The following TMEM132C variants were observed in gnomAD, a reference collection of about 807,000 sequenced individuals.
TMEM132C encodes the protein protein phosphatase 1, regulatory subunit 152.
A neutral mutation model predicts 61.4 loss-of-function variants in TMEM132C; 29 were observed. The observed-to-expected ratio is 0.47, with a 90% confidence interval of 0.35 to 0.64. The LOEUF is 0.64. TMEM132C is among the 30% of genes least tolerant of loss of function. The pLI, the probability that TMEM132C is intolerant of heterozygous loss-of-function variation, is 0.00. For synonymous variants in TMEM132C, 656 were observed against 633.1 expected, an observed-to-expected ratio of 1.04 and a Z score of -0.54; for missense variants, 1,408 against 1,476.9, an observed-to-expected ratio of 0.95 and a Z score of 0.76.
At chr12:128,536,080 A>C (rs1425858697) in intron 2 of TMEM132C, among the ~76,000 whole-genome samples, 2 of 152,178 alleles carry the variant, frequency 1.3e-5, no homozygotes, top group Non-Finnish European at 2.9e-5. Context: ...TACTATAAAG[A>C]CACATGCATA....
At chr12:128,393,058 C>T (rs868315184) in intron 1 of TMEM132C, among the ~76,000 whole-genome samples, 2 of 152,194 alleles carry the variant, frequency 1.3e-5, no homozygotes, top group African/African-American at 4.8e-5. Context: ...ATTTTTCTTG[C>T]AGAACAAAAA....
rs75263201 is a variant in TMEM132C at position 128,361,610 on chromosome 12, G to A, written c.86-53122G>A. Among the ~76,000 whole-genome samples the A allele has an allele frequency of 7.9e-3, 1,207 of 152,130 alleles. 8 individuals are homozygous for A. The highest frequency in any genetic ancestry group is 0.01 in the Non-Finnish European group (689 of 68,016). The stretch of plus-strand genomic sequence containing the variant: ...GCAACATCTTGAACTGTTTTCAAGC[G>A]TTTGAGGCTCTACGAAAACTGAAAC... On this transcript the variant is annotated intron_variant, in intron 1 of 8. Transcript: ENST00000435159.
intron 2 of TMEM132C, among the ~76,000 whole-genome samples, chr12:128,417,490 G>A (rs908323140): frequency 1.3e-5 from 2 of 152,128 alleles, no homozygotes; most frequent in African/African-American, 4.8e-5. Context: ...AGATAGGCAT[G>A]GTGGTGGTGA....
chr12:128,608,252 A>C (rs1323859647), intron 3 of TMEM132C, among the ~76,000 whole-genome samples: 2 of 152,198 alleles, frequency 1.3e-5, no homozygotes, highest in Non-Finnish European at 2.9e-5. Flanking sequence ...CCTTGCAACA[A>C]ACAGCCTCAC....
intron 1 of TMEM132C, among the ~76,000 whole-genome samples, chr12:128,300,859 G>T (rs1003261966): frequency 3.3e-5 from 5 of 152,082 alleles, no homozygotes; most frequent in Middle Eastern, 3.2e-3. Flanking sequence ...GCAACATAGG[G>T]GGACCCCACC....
At position 128,705,410 on chromosome 12, in the gene TMEM132C, A is replaced by G. The variant is rs1206037496; in HGVS notation, c.2442A>G (p.Glu814=). Residue 814 remains glutamate, a synonymous_variant, in exon 9 of 9, where the codon GAA becomes GAG. Coordinates refer to ENST00000435159, the MANE Select transcript of TMEM132C (RefSeq NM_001136103.3). ...CCAGCCCCGGCGGGGACTATGAGGA[A>G]GATGAGATCAAGAACCACGCCAGCG... ...ADSSPGGDYE[E]DEIKNHASDR... 6 of 1,551,108 alleles carry G rather than the reference A, an allele frequency of 3.9e-6. No individual in the cohort carries two copies. Among genetic ancestry groups the G allele is most frequent in the Non-Finnish European group, 4.4e-6 (5 of 1,146,976 alleles).
chr12:128,578,897 C>T (rs913825458), intron 3 of TMEM132C, among the ~76,000 whole-genome samples: 6 of 149,722 alleles, frequency 4.0e-5, no homozygotes, highest in East Asian at 4.0e-4. Flanking sequence ...CATGCCCAGC[C>T]GAAAGTTTTT....
At chr12:128,438,938 T>A (rs1869688644) in intron 2 of TMEM132C, 1 of 152,198 alleles carries the variant, frequency 6.6e-6, no homozygotes, top group Non-Finnish European at 1.5e-5. Flanking sequence ...TTCCCCCCAG[T>A]TCTCCTGGGT....
chr12:128,652,743 AG>A (rs1954284934), intron 4 of TMEM132C, among the ~76,000 whole-genome samples: 1 of 152,244 alleles, frequency 6.6e-6, no homozygotes. Flanking sequence ...ATAATGGCAG[AG>A]GAGTGGATTT....
At chr12:128,582,703 T>C (rs1875391874) in intron 3 of TMEM132C, among the ~76,000 whole-genome samples, 1 of 152,168 alleles carries the variant, frequency 6.6e-6, no homozygotes, top group South Asian at 2.1e-4. Context: ...TTGACTCCCA[T>C]CATGATTCCG....
chr12:128,413,298 C>CAAAAAAAAAAAA (rs56026776), intron 1 of TMEM132C, among the ~76,000 whole-genome samples: 1 of 60,574 alleles, frequency 1.7e-5, no homozygotes, highest in African/African-American at 6.9e-5. Flanking sequence ...GACTCTGTCT[C>CAAAAAAAAAAAA]AAAAAAAAAA....
chr12:128,691,164 TA>T (rs1203076375), intron 5 of TMEM132C, among the ~76,000 whole-genome samples: 1 of 152,262 alleles, frequency 6.6e-6, no homozygotes, highest in African/African-American at 2.4e-5. Context: ...AATACTCCAC[TA>T]AACTGTATGT....
chr12:128,545,529 T>C (rs1873916981), intron 3 of TMEM132C, among the ~76,000 whole-genome samples: 2 of 152,250 alleles, frequency 1.3e-5, no homozygotes, highest in Admixed American at 1.3e-4. Context: ...TTGAGAAATC[T>C]CCAAACTACT....
chr12:128,469,023 G>T (rs1417997082), intron 2 of TMEM132C, among the ~76,000 whole-genome samples: 1 of 152,120 alleles, frequency 6.6e-6, no homozygotes, highest in Non-Finnish European at 1.5e-5. Context: ...GAAACACAAA[G>T]AATTCAACAC....
chr12:128,427,105 TG>T (rs1189464814), intron 2 of TMEM132C, among the ~76,000 whole-genome samples: 15 of 152,320 alleles, frequency 9.8e-5, no homozygotes, highest in African/African-American at 3.4e-4. Flanking sequence ...TCCCGTCTGC[TG>T]GCACTTGTTT....
intron 2 of TMEM132C, among the ~76,000 whole-genome samples, chr12:128,514,625 G>A (rs1485548883): frequency 6.6e-6 from 1 of 152,080 alleles, no homozygotes; most frequent in Non-Finnish European, 1.5e-5. Context: ...GAGTTGATAT[G>A]TTGTTTATCA....
At chr12:128,388,774 C>T (rs1874671322) in intron 1 of TMEM132C, among the ~76,000 whole-genome samples, 1 of 152,278 alleles carries the variant, frequency 6.6e-6, no homozygotes, top group Non-Finnish European at 1.5e-5. Flanking sequence ...CTTCCCTCCA[C>T]TTCCGGGCGC....
chr12:128,550,688 A>G (rs1874143171), intron 3 of TMEM132C, among the ~76,000 whole-genome samples: 1 of 152,138 alleles, frequency 6.6e-6, no homozygotes, highest in Non-Finnish European at 1.5e-5. Flanking sequence ...ACCATCTTAA[A>G]AGCCTGCTCT....
chr12:128,391,278 A>G (rs1488619232), intron 1 of TMEM132C, among the ~76,000 whole-genome samples: 1 of 152,200 alleles, frequency 6.6e-6, no homozygotes, highest in African/African-American at 2.4e-5. Flanking sequence ...GAAGGCCAGG[A>G]GACCCTTTCT....
Sources: gnomAD v4.1 joint callset for allele counts (sites outside exome capture counted in the v4.1 genomes callset) on GRCh38, gnomAD v4.1.1 for gene constraint, MANE v1.5 for transcripts, NCBI Gene and HGNC (gene_info 2026-07-23, HGNC 2026-07-21) for gene names.